The following FAM81A variants were observed in gnomAD, a reference collection of about 807,000 sequenced individuals.
FAM81A encodes protein FAM81A.
FAM81A carries 19 observed loss-of-function variants against 46.7 expected under a neutral mutation model. The ratio of observed to expected loss-of-function variants is 0.41; its 90% CI spans 0.28 to 0.60. The LOEUF (loss-of-function observed/expected upper bound fraction) is 0.60. Among genes scored for constraint, FAM81A ranks in the 20% least tolerant of loss-of-function variants. FAM81A has a pLI of 0.34. For synonymous variants in FAM81A, 183 were observed against 152.9 expected (o/e 1.20, Z -1.45); for missense variants, 377 against 453.5 (o/e 0.83, Z 1.53).
intron 1 of FAM81A, among the ~76,000 whole-genome samples, chr15:59,444,645 C>G (rs1202460070): frequency 1.3e-5 from 2 of 152,184 alleles, no homozygotes; most frequent in Admixed American, 6.5e-5. Context: ...TGCTGTCCTT[C>G]AGCACTGCCT....
chr15:59,492,336 C>T lies in FAM81A; in HGVS notation c.360C>T (p.Thr120=). 6.2e-7 allele frequency: 1 copy of T among 1,613,760 alleles called. No individual in the cohort carries two copies. Among genetic ancestry groups the T allele is most frequent in the Non-Finnish European group, 8.5e-7 (1 of 1,179,830 alleles). ...ATGGAACTAATTCTGCCTTAAAGAC[C>T]CTGGAGATGCGCCAGCTCTCCGGTT... is the stretch of plus-strand genomic sequence containing the variant. ...ISYGTNSALK[T]LEMRQLSGLG... Residue 120 remains threonine (T), a synonymous_variant, in exon 4 of 9, where the codon ACC becomes ACT. Transcript: ENST00000288228.
chr15:59,465,966 A>C (rs1207732684), intron 3 of FAM81A, among the ~76,000 whole-genome samples: 1 of 151,930 alleles, frequency 6.6e-6, no homozygotes, highest in Non-Finnish European at 1.5e-5. Flanking sequence ...TGTCCTTGTG[A>C]TAGTTTGCTG....
chr15:59,506,557 A>T (rs1170039565), intron 4 of FAM81A, among the ~76,000 whole-genome samples: 1 of 152,170 alleles, frequency 6.6e-6, no homozygotes, highest in African/African-American at 2.4e-5. Context: ...CAACAGAGGA[A>T]TATTGTCTCA....
chr15:59,479,519 GA>G (rs57107735), intron 3 of FAM81A, among the ~76,000 whole-genome samples: 10,428 of 72,696 alleles, frequency 0.14, 1,120 homozygotes, highest in African/African-American at 0.38. Context: ...TCAAAAATAA[GA>G]AAAAAAAAAA....
At chr15:59,472,838 C>T (rs528563251) in intron 3 of FAM81A, among the ~76,000 whole-genome samples, 2 of 152,100 alleles carry the variant, frequency 1.3e-5, no homozygotes, top group African/African-American at 2.4e-5. Context: ...CTCAGAGGAA[C>T]GTAGAAAGTT....
chr15:59,521,229 T>TTG (rs751444560), intron 8 of FAM81A, 25 bp from the exon 9 acceptor site: 2 of 1,596,346 alleles, frequency 1.3e-6, no homozygotes, highest in Non-Finnish European at 1.7e-6. Flanking sequence ...TTGTTAACTG[T>TTG]TGTGAAATTT....
intron 3 of FAM81A, among the ~76,000 whole-genome samples, chr15:59,473,354 C>T (rs747450401): frequency 6.6e-6 from 1 of 152,180 alleles, no homozygotes; most frequent in East Asian, 1.9e-4. Flanking sequence ...TTTGTCCACA[C>T]TGTATATGCT....
intron 2 of FAM81A, among the ~76,000 whole-genome samples, chr15:59,419,460 T>C (rs913453912): frequency 6.6e-6 from 1 of 152,236 alleles, no homozygotes; most frequent in Non-Finnish European, 1.5e-5. Flanking sequence ...CCTCTTTTCA[T>C]AGGAAAGAAC....
intron 1 of FAM81A, among the ~76,000 whole-genome samples, chr15:59,442,618 C>CAAAAAAAAAAAAAAAAA (rs1196305104): frequency 1.4e-4 from 11 of 76,690 alleles, no homozygotes; most frequent in South Asian, 4.4e-4. Flanking sequence ...CTCCGTCTCT[C>CAAAAAAAAAAAAAAAAA]AAAAAAAAAA....
chr15:59,514,248 AT>A (rs1405690812), intron 6 of FAM81A, 40 bp from the exon 7 acceptor site: 16 of 1,504,524 alleles, frequency 1.1e-5, no homozygotes, highest in African/African-American at 2.8e-5. Flanking sequence ...AAAATAAAAA[AT>A]AAACTGTTTT....
chr15:59,450,598 T>C (rs189698398), intron 1 of FAM81A, among the ~76,000 whole-genome samples: 202 of 152,298 alleles, frequency 1.3e-3, no homozygotes, highest in Non-Finnish European at 2.5e-3. Flanking sequence ...TCTGATGTGA[T>C]GAAATGGTAT....
At chr15:59,484,888 GC>G (rs1219297957) in intron 3 of FAM81A, among the ~76,000 whole-genome samples, 3 of 152,156 alleles carry the variant, frequency 2.0e-5, no homozygotes, top group Admixed American at 6.5e-5. Context: ...CTAAAGGCGG[GC>G]CCGCTGCTCT....
upstream of FAM81A, among the ~76,000 whole-genome samples, chr15:59,433,499 C>A (rs1300787391): frequency 6.6e-6 from 1 of 151,990 alleles, no homozygotes; most frequent in Admixed American, 6.6e-5. Context: ...AACATTATTG[C>A]GAGATGGATT....
intron 4 of FAM81A, among the ~76,000 whole-genome samples, chr15:59,506,802 A>T (rs867902253): frequency 6.6e-6 from 1 of 152,208 alleles, no homozygotes; most frequent in Admixed American, 6.5e-5. Context: ...GATTCAGTCA[A>T]AGTTTAGAAG....
At chr15:59,437,329 G>A (rs1439952265), upstream of FAM81A, among the ~76,000 whole-genome samples, 1 of 151,900 alleles carries the variant, frequency 6.6e-6, no homozygotes, top group Non-Finnish European at 1.5e-5. Context: ...CTGCGAAGGA[G>A]GCACGAACCA....
Position 59,521,407 on chromosome 15 carries a change from A to G in FAM81A, c.*29A>G. 1 of 1,572,616 alleles carries G rather than the reference A, an allele frequency of 6.4e-7. No individual in the cohort carries two copies. The highest frequency in any genetic ancestry group is 8.6e-7 in the Non-Finnish European group (1 of 1,158,484). On this transcript the variant is annotated 3_prime_UTR_variant, in exon 9 of 9. Coordinates refer to ENST00000288228, the MANE Select transcript of FAM81A (RefSeq NM_152450.3). ...GAGCTGGGACAAGGTCCTAAAAGAC[A>G]GTTTTGCCAGTGGGGCTAGGAGCCG...
intron 2 of FAM81A, among the ~76,000 whole-genome samples, chr15:59,419,161 A>G (rs1180473220): frequency 2.0e-5 from 3 of 152,226 alleles, no homozygotes; most frequent in Non-Finnish European, 2.9e-5. Context: ...GCACGCCCAT[A>G]ACAACGATAA....
At chr15:59,433,835 G>A (rs1438389298), upstream of FAM81A, among the ~76,000 whole-genome samples, 2 of 152,056 alleles carry the variant, frequency 1.3e-5, no homozygotes, top group Admixed American at 6.6e-5. Context: ...TCTCTTATTC[G>A]GTGAAACATT....
chr15:59,409,068 C>A (rs1176004380), intron 2 of FAM81A: 2 of 151,954 alleles, frequency 1.3e-5, no homozygotes, highest in Non-Finnish European at 2.9e-5. Flanking sequence ...AAAGGGCTGC[C>A]CTGAAGTGAT....
Sources: allele counts gnomAD v4.1 joint callset (sites outside exome capture counted in the v4.1 genomes callset), GRCh38; gene constraint gnomAD v4.1.1; transcripts MANE v1.5; gene names NCBI Gene and HGNC (gene_info 2026-07-23, HGNC 2026-07-21).